The following FSTL5 variants were observed in gnomAD, a reference collection of about 807,000 sequenced individuals.
FSTL5 encodes the protein follistatin-related protein 5.
Under a neutral mutation model 89.1 loss-of-function variants are expected in FSTL5, and 62 were observed. The ratio of observed to expected loss-of-function variants is 0.70; its 90% CI spans 0.57 to 0.86. The LOEUF is 0.86. FSTL5 is among the 40% of genes least tolerant of loss of function. FSTL5 has a pLI of 0.00. For synonymous variants in FSTL5, 383 were observed against 346.2 expected (o/e 1.11, Z -1.18); for missense variants, 1,057 against 1,001.6 (o/e 1.06, Z -0.75).
At chr4:161,744,669 A>G (rs1475691580) in intron 6 of FSTL5, among the ~76,000 whole-genome samples, 2 of 152,108 alleles carry the variant, frequency 1.3e-5, no homozygotes, top group East Asian at 1.9e-4. Flanking sequence ...ATTGGCATAG[A>G]TCAGTTCTCA....
At chr4:161,539,741 A>C (rs1039388111) in intron 9 of FSTL5, among the ~76,000 whole-genome samples, 1 of 152,038 alleles carries the variant, frequency 6.6e-6, no homozygotes, top group African/African-American at 2.4e-5. Flanking sequence ...AAACAAAAAC[A>C]AAAAAACCCA....
At chr4:161,696,723 G>T (rs918303137) in intron 6 of FSTL5, among the ~76,000 whole-genome samples, 1 of 152,048 alleles carries the variant, frequency 6.6e-6, no homozygotes, top group Admixed American at 6.6e-5. Context: ...TGTAAAAGGG[G>T]GTTGAGCTCT....
At chr4:161,460,215 C>CT (rs1183368792) in intron 13 of FSTL5, among the ~76,000 whole-genome samples, 4 of 151,642 alleles carry the variant, frequency 2.6e-5, no homozygotes, top group Non-Finnish European at 4.4e-5. Flanking sequence ...AGAGAATTTT[C>CT]TTTTTTTTCT....
chr4:161,795,048 C>T (rs1185484137), intron 4 of FSTL5, among the ~76,000 whole-genome samples: 1 of 151,538 alleles, frequency 6.6e-6, no homozygotes, highest in Non-Finnish European at 1.5e-5. Flanking sequence ...TATCTGAGTG[C>T]CAGGCGCCTA....
In FSTL5 at chr4:161,636,764, C is replaced by T. The variant is rs1735732957; in HGVS notation, c.894+19564G>A. Reference sequence around the variant, plus strand: ...TACTGAGAATGATGATTTCCAATTTCATCCATGTCCCTACAAAGGACATGA... The same window carrying T: ...TACTGAGAATGATGATTTCCAATTTTATCCATGTCCCTACAAAGGACATGA... On this transcript the variant is annotated intron_variant, in intron 7 of 15. Coordinates refer to ENST00000306100, the MANE Select transcript of FSTL5 (RefSeq NM_020116.5). 2.1e-5 allele frequency among the ~76,000 whole-genome samples: 3 copies of T among 146,122 alleles called. No individual in the cohort carries two copies. The South Asian group carries it at 6.6e-4, about 32-fold the overall frequency.
intron 15 of FSTL5, among the ~76,000 whole-genome samples, chr4:161,389,245 G>T (rs1730743303): frequency 6.6e-6 from 1 of 152,076 alleles, no homozygotes; most frequent in African/African-American, 2.4e-5. Context: ...AACATAGTTT[G>T]TCTAGTATTT....
chr4:161,861,442 A>G (rs1406331544), intron 4 of FSTL5, among the ~76,000 whole-genome samples: 2 of 151,874 alleles, frequency 1.3e-5, no homozygotes, highest in Non-Finnish European at 2.9e-5. Context: ...GAGAGAGAGA[A>G]AGAAAGAAAG....
intron 12 of FSTL5, among the ~76,000 whole-genome samples, chr4:161,493,565 T>C (rs1288601181): frequency 1.3e-5 from 2 of 152,086 alleles, no homozygotes; most frequent in South Asian, 2.1e-4. Context: ...ACATCTAATA[T>C]GATAGATTTG....
At chr4:161,841,406 G>C (rs551322208) in intron 4 of FSTL5, among the ~76,000 whole-genome samples, 1 of 152,252 alleles carries the variant, frequency 6.6e-6, no homozygotes, top group African/African-American at 2.4e-5. Context: ...ACCTTCATCT[G>C]ATGATATTAA....
In FSTL5 at chr4:161,920,428, G is replaced by A; in HGVS notation, c.385C>T (p.His129Tyr). The change falls in exon 4 of 16, where the codon CAC becomes TAC. Residue 129 changes from histidine (H) to tyrosine (Y), a missense_variant. This residue lies in a region of FSTL5 where 980 missense variants were observed against 903.2 expected (regional missense o/e 1.08). Coordinates refer to ENST00000306100, the MANE Select transcript of FSTL5 (RefSeq NM_020116.5). ...CCTTTAAAGAAGCAGTCTTCATTGT[G>A]AACAATGGTAATCTTTTGTTTTTTC... Reference protein sequence around the residue: ...CLKKQKITIVHNEDCFFKGDK... With the variant: ...CLKKQKITIVYNEDCFFKGDK... 1 of 1,613,892 alleles carries A rather than the reference G, an allele frequency of 6.2e-7. No homozygotes were observed. Among genetic ancestry groups the A allele is most frequent in the Non-Finnish European group, 8.5e-7 (1 of 1,179,848 alleles).
At chr4:161,495,128 C>T (rs1187229539) in intron 12 of FSTL5, 1 of 152,100 alleles carries the variant, frequency 6.6e-6, no homozygotes. Flanking sequence ...CAATATAAGA[C>T]ATATGCATAA....
At chr4:161,490,954 T>G (rs1729850579) in intron 12 of FSTL5, among the ~76,000 whole-genome samples, 2 of 152,076 alleles carry the variant, frequency 1.3e-5, no homozygotes, top group African/African-American at 4.8e-5. Flanking sequence ...TTTAAATCTT[T>G]AGAAATAAGT....
chr4:161,942,091 G>C (rs887118946), intron 3 of FSTL5, among the ~76,000 whole-genome samples: 3 of 151,804 alleles, frequency 2.0e-5, no homozygotes, highest in Non-Finnish European at 4.4e-5. Flanking sequence ...TAGAGACAAA[G>C]AAAATGAAAG....
intron 6 of FSTL5, among the ~76,000 whole-genome samples, chr4:161,720,743 C>G (rs1448935670): frequency 6.6e-6 from 1 of 152,256 alleles, no homozygotes; most frequent in East Asian, 1.9e-4. Context: ...GGCCATTATG[C>G]TACATTAAAT....
intron 3 of FSTL5, among the ~76,000 whole-genome samples, chr4:162,009,152 G>A (rs1736691743): frequency 6.6e-6 from 1 of 151,954 alleles, no homozygotes; most frequent in Admixed American, 6.6e-5. Flanking sequence ...AGAACCGAAA[G>A]CCTTGTCCAC....
intron 15 of FSTL5, among the ~76,000 whole-genome samples, chr4:161,443,171 A>G (rs1732834747): frequency 6.6e-6 from 1 of 152,020 alleles, no homozygotes; most frequent in African/African-American, 2.4e-5. Flanking sequence ...TCTCACTGCA[A>G]CATATGGTCT....
rs185129818 is a variant in FSTL5 at position 161,887,948 on chromosome 4, T to A, written c.409+32456A>T. On this transcript the variant is annotated intron_variant, in intron 4 of 15. Transcript: ENST00000306100. Reference sequence around the variant, plus strand: ...ATCATTCAAGTTTATTTTCTCTTTATCCTTTTTTCTCCCATTAATGCATTG... The same window carrying A: ...ATCATTCAAGTTTATTTTCTCTTTAACCTTTTTTCTCCCATTAATGCATTG... Among the ~76,000 whole-genome samples the A allele has an allele frequency of 3.9e-5, 6 of 152,298 alleles. No individual in the cohort carries two copies. In the East Asian group the frequency reaches 1.2e-3, roughly 29 times the overall value.
chr4:161,609,456 A>C (rs1044694707), intron 7 of FSTL5, among the ~76,000 whole-genome samples: 2 of 152,088 alleles, frequency 1.3e-5, no homozygotes, highest in African/African-American at 4.8e-5. Flanking sequence ...CCAATTTCCA[A>C]ACCAACAAAT....
intron 1 of FSTL5, among the ~76,000 whole-genome samples, chr4:162,150,175 A>ATACT (rs1159642683): frequency 6.6e-6 from 1 of 152,196 alleles, no homozygotes; most frequent in East Asian, 1.9e-4. Flanking sequence ...CTAGAAAGAC[A>ATACT]TACTGGGCCT....
Sources: allele counts gnomAD v4.1 joint callset (sites outside exome capture counted in the v4.1 genomes callset), GRCh38; gene constraint gnomAD v4.1.1; regional missense constraint gnomAD v4.1.1; transcripts MANE v1.5; gene names NCBI Gene and HGNC (gene_info 2026-07-23, HGNC 2026-07-21).